CCDC73: variants seen among roughly 807,000 people sequenced by gnomAD.
The protein encoded by CCDC73 is coiled-coil domain containing 73.
In CCDC73, 95 loss-of-function variants were observed where a neutral mutation model predicts 116.5. The ratio of observed to expected loss-of-function variants is 0.82; its 90% CI spans 0.69 to 0.97. The LOEUF (loss-of-function observed/expected upper bound fraction) is 0.97. CCDC73 is among the 50% of genes least tolerant of loss of function. The pLI, the probability that CCDC73 is intolerant of heterozygous loss-of-function variation, is 0.00. For synonymous variants in CCDC73, 398 were observed against 401.3 expected, an observed-to-expected ratio of 0.99 and a Z score of 0.10; for missense variants, 1,066 against 1,206.8, an observed-to-expected ratio of 0.88 and a Z score of 1.73.
At chr11:32,627,925 CAA>C (rs372341313) in intron 14 of CCDC73, among the ~76,000 whole-genome samples, 18 of 152,108 alleles carry the variant, frequency 1.2e-4, no homozygotes, top group African/African-American at 4.3e-4. Context: ...ACATATGTAA[CAA>C]ATCTGCAGGT....
intron 13 of CCDC73, among the ~76,000 whole-genome samples, chr11:32,638,959 GC>G (rs1855706192): frequency 6.6e-6 from 1 of 151,554 alleles, no homozygotes; most frequent in African/African-American, 2.4e-5. Flanking sequence ...ACCAGCCTGG[GC>G]AACACAGTGA....
At chr11:32,814,542 G>A in the CCDC73 span, among the ~76,000 whole-genome samples, 25 of 152,184 alleles carry the variant, frequency 1.6e-4, no homozygotes, top group Non-Finnish European at 2.2e-4. Flanking sequence ...ACAAGTGTTG[G>A]CAAGGATGTG....
intron 9 of CCDC73, among the ~76,000 whole-genome samples, chr11:32,655,255 T>G (rs1322547839): frequency 6.6e-6 from 1 of 152,204 alleles, no homozygotes; most frequent in Non-Finnish European, 1.5e-5. Flanking sequence ...GTTTCCATTA[T>G]TTATTAAACA....
intron 6 of CCDC73, among the ~76,000 whole-genome samples, chr11:32,689,819 C>T (rs1183604616): frequency 1.3e-5 from 2 of 152,034 alleles, no homozygotes; most frequent in African/African-American, 2.4e-5. Context: ...CATGGTGAAA[C>T]CCCGTCTCTA....
chr11:32,664,645 T>C (rs1342370536), intron 9 of CCDC73, among the ~76,000 whole-genome samples: 11 of 152,172 alleles, frequency 7.2e-5, no homozygotes, highest in Admixed American at 6.6e-4. Flanking sequence ...CATTCAATGA[T>C]ATTTTTGAAG....
the CCDC73 span, among the ~76,000 whole-genome samples, chr11:32,811,079 A>ACC: frequency 7.9e-6 from 1 of 127,132 alleles, no homozygotes; most frequent in Non-Finnish European, 1.7e-5. Flanking sequence ...AACAACAACA[A>ACC]AAAAAAAAAA....
At chr11:32,623,256 C>T (rs566619962) in intron 14 of CCDC73, among the ~76,000 whole-genome samples, 177 of 152,258 alleles carry the variant, frequency 1.2e-3, no homozygotes, top group African/African-American at 4.1e-3. Flanking sequence ...CCACCTGCCT[C>T]GAGCTTTCAA....
At chr11:32,747,934 C>T (rs115888193) in intron 2 of CCDC73, among the ~76,000 whole-genome samples, 2,576 of 152,328 alleles carry the variant, frequency 0.017, 75 homozygotes, top group African/African-American at 0.057. Flanking sequence ...TGCTTCAGCT[C>T]GCCCTCCACG....
At chr11:32,667,506 T>C (rs1406401924) in intron 9 of CCDC73, among the ~76,000 whole-genome samples, 1 of 152,150 alleles carries the variant, frequency 6.6e-6, no homozygotes, top group African/African-American at 2.4e-5. Flanking sequence ...GCTAGGACCA[T>C]TGGAAAAGCG....
Position 32,755,903 on chromosome 11 carries a change from C to CTA in CCDC73, c.135+4204_135+4205dup, listed in dbSNP as rs1554968894. Among the ~76,000 whole-genome samples the CTA allele has an allele frequency of 5.5e-4, 46 of 83,284 alleles. 2 individuals carry two copies. The highest frequency in any genetic ancestry group is 2.2e-3 in the African/African-American group (45 of 20,416). The allele number at this position is 83,284 out of a possible 152,430, so 54.6% of individuals were successfully genotyped here. A position where few individuals can be genotyped will look rare whatever the true frequency, so the allele number is the denominator to read the frequency against. On this transcript the variant is annotated intron_variant, in intron 2 of 17. Transcript: ENST00000335185. ...TCTGTGTATATATCTCCATATATAT[C>CTA]TATATATATCTCCATATATATATCT...
intron 8 of CCDC73, 93 bp downstream of exon 8, chr11:32,675,793 A>T: frequency 3.2e-6 from 4 of 1,239,934 alleles, no homozygotes; most frequent in Non-Finnish European, 4.5e-6. Context: ...TACTATTATC[A>T]GTATTATCAT....
At chr11:32,700,510 T>C (rs1197289418) in intron 5 of CCDC73, among the ~76,000 whole-genome samples, 1 of 152,250 alleles carries the variant, frequency 6.6e-6, no homozygotes, top group East Asian at 1.9e-4. Flanking sequence ...ATCTGGGTTC[T>C]AGTCCCAATT....
At chr11:32,645,745 G>T (rs1226570054) in intron 12 of CCDC73, among the ~76,000 whole-genome samples, 1 of 152,096 alleles carries the variant, frequency 6.6e-6, no homozygotes, top group Non-Finnish European at 1.5e-5. Context: ...CAGCAGGTTT[G>T]TTTATACTAG....
At position 32,765,663 on chromosome 11, in the gene CCDC73, A is replaced by C. The variant is rs192079937; in HGVS notation, c.-15-5405T>G. Among the ~76,000 whole-genome samples, 259 of 152,382 alleles carry C rather than the reference A, an allele frequency of 1.7e-3. 1 individual carries two copies. The highest frequency in any genetic ancestry group is 1.5e-4 in the Non-Finnish European group (10 of 68,040). ...CTAAATGCCCACAAGAGAAAGCAGG[A>C]AAGATCTAAAATTGACACCCTAACA... On this transcript the variant is annotated intron_variant, in intron 1 of 17. Coordinates refer to ENST00000335185, the MANE Select transcript of CCDC73 (RefSeq NM_001008391.4).
At chr11:32,732,470 A>G (rs1186948894) in intron 2 of CCDC73, among the ~76,000 whole-genome samples, 1 of 152,194 alleles carries the variant, frequency 6.6e-6, no homozygotes, top group Non-Finnish European at 1.5e-5. Flanking sequence ...TAATTGTCAG[A>G]TTCACCAAAG....
the CCDC73 span, among the ~76,000 whole-genome samples, chr11:32,822,773 GAGAA>G: frequency 2.2e-4 from 33 of 149,968 alleles, no homozygotes; most frequent in Non-Finnish European, 2.8e-4. Context: ...GGAAGGAAAA[GAGAA>G]AGAAACGTAA....
At chr11:32,661,014 C>G (rs1211067831) in intron 9 of CCDC73, among the ~76,000 whole-genome samples, 2 of 152,028 alleles carry the variant, frequency 1.3e-5, no homozygotes, top group Admixed American at 6.5e-5. Context: ...TAAGCGGGAA[C>G]AGTCTAATGG....
chr11:32,782,014 GGGC>G lies in CCDC73; in HGVS notation c.-16+12596_-16+12598del, dbSNP rs201598922. Among the ~76,000 whole-genome samples, 1,094 of 152,196 alleles carry G rather than the reference GGGC, an allele frequency of 7.2e-3. 16 individuals carry two copies. The highest frequency in any genetic ancestry group is 0.025 in the African/African-American group (1,055 of 41,522). Reference sequence around the variant, plus strand: ...CCTGAGCTGCCTCCTGTCAGATCAGGGGCAGCATTAGATTCTCATAGGAGTACA... The same window carrying G: ...CCTGAGCTGCCTCCTGTCAGATCAGGAGCATTAGATTCTCATAGGAGTACA... On this transcript the variant is annotated intron_variant, in intron 1 of 17. Transcript: ENST00000335185.
chr11:32,607,327 C>T (rs201898), intron 17 of CCDC73, among the ~76,000 whole-genome samples: 36,960 of 150,308 alleles, frequency 0.25, 4,619 homozygotes, highest in Middle Eastern at 0.29. Flanking sequence ...CTCCTGACCT[C>T]GTGATCCGCC....
Sources: allele counts gnomAD v4.1 joint callset (sites outside exome capture counted in the v4.1 genomes callset), GRCh38; gene constraint gnomAD v4.1.1; transcripts MANE v1.5; gene names NCBI Gene and HGNC (gene_info 2026-07-23, HGNC 2026-07-21).